The following TRPM3 variants were observed in gnomAD, a reference collection of about 807,000 sequenced individuals.
The protein encoded by TRPM3 is long transient receptor potential channel 3.
In TRPM3, 77 loss-of-function variants were observed where a neutral mutation model predicts 181.2. That is an observed-to-expected ratio of 0.42 (90% confidence interval 0.35 to 0.51). TRPM3 has a LOEUF of 0.51. TRPM3 is among the 20% of genes least tolerant of loss of function. TRPM3 has a pLI of 0.01. For missense variants in TRPM3, 1,759 were observed against 2,196.7 expected, an observed-to-expected ratio of 0.80 and a Z score of 3.98; for synonymous variants, 745 against 796.4, an observed-to-expected ratio of 0.94 and a Z score of 1.09.
At chr9:71,174,542 C>CA (rs200821091) in intron 1 of TRPM3, among the ~76,000 whole-genome samples, 4,907 of 142,132 alleles carry the variant, frequency 0.035, 165 homozygotes, top group African/African-American at 0.081. Context: ...ACTCCATCTC[C>CA]AAAAAAAAAA....
chr9:70,769,499 G>A (rs1449676809), intron 7 of TRPM3, among the ~76,000 whole-genome samples: 1 of 148,608 alleles, frequency 6.7e-6, no homozygotes, highest in Non-Finnish European at 1.5e-5. Flanking sequence ...GGATGATCAA[G>A]ATTCAGTTGT....
intron 9 of TRPM3, among the ~76,000 whole-genome samples, chr9:70,674,558 A>G (rs904902271): frequency 6.6e-6 from 1 of 151,822 alleles, no homozygotes; most frequent in Non-Finnish European, 1.5e-5. Context: ...AACATTATAT[A>G]TATAATTTTT....
intron 1 of TRPM3, among the ~76,000 whole-genome samples, chr9:71,222,239 C>T (rs2134858): frequency 0.5 from 75,648 of 151,968 alleles, 18,972 homozygotes; most frequent in Middle Eastern, 0.53. Context: ...TTCAATCTCC[C>T]CAGAATGCCT....
chr9:71,443,440 C>A (rs2094161113), intron 1 of TRPM3, among the ~76,000 whole-genome samples: 1 of 152,136 alleles, frequency 6.6e-6, no homozygotes, highest in South Asian at 2.1e-4. Context: ...ACTATTAGGA[C>A]ACAGAACAGC....
chr9:71,089,249 T>C (rs531608559), intron 1 of TRPM3, among the ~76,000 whole-genome samples: 38 of 149,984 alleles, frequency 2.5e-4, no homozygotes, highest in African/African-American at 9.2e-4. Flanking sequence ...TTATATAGTT[T>C]GCTATATAGT....
chr9:71,180,860 C>A (rs1356436623), intron 1 of TRPM3, among the ~76,000 whole-genome samples: 5 of 152,068 alleles, frequency 3.3e-5, no homozygotes, highest in African/African-American at 1.2e-4. Context: ...AGAGGCTCCT[C>A]ACCTCCCCTC....
rs2076662406 is a variant in TRPM3, at chr9:71,168,563, TA to T, written c.183+278089del. ...TTATTTATTTATTTATTTATTTATT[TA>T]TTTATTTATTTTTGTTTTTTATTTT... is the stretch of plus-strand genomic sequence containing the variant. On this transcript the variant is annotated intron_variant, in intron 1 of 24. Coordinates refer to the TRPM3 transcript ENST00000357533. 2.3e-4 allele frequency among the ~76,000 whole-genome samples: 25 copies of T among 106,448 alleles called. 1 individual carries two copies. In the South Asian group the frequency reaches 6.4e-3, roughly 27 times the overall value. 69.8% of individuals were successfully genotyped at this position (106,448 alleles called of 152,430 possible). A position where few individuals can be genotyped will look rare whatever the true frequency, so the allele number is the denominator to read the frequency against.
chr9:71,340,305 T>C (rs891530238), intron 1 of TRPM3, among the ~76,000 whole-genome samples: 4 of 152,096 alleles, frequency 2.6e-5, no homozygotes, highest in African/African-American at 9.7e-5. Flanking sequence ...TTGTTATATA[T>C]GCATATAGCT....
At chr9:70,587,348 C>T (rs2057316745) in intron 22 of TRPM3, among the ~76,000 whole-genome samples, 1 of 152,146 alleles carries the variant, frequency 6.6e-6, no homozygotes, top group Admixed American at 6.5e-5. Context: ...TCCTCCTGCC[C>T]TGGTACAGCC....
At chr9:70,957,631 C>A (rs2097092510) in intron 1 of TRPM3, among the ~76,000 whole-genome samples, 1 of 152,206 alleles carries the variant, frequency 6.6e-6, no homozygotes, top group Admixed American at 6.5e-5. Flanking sequence ...CATAAATACT[C>A]ATTCCTCTGT....
intron 1 of TRPM3, among the ~76,000 whole-genome samples, chr9:70,899,135 A>G (rs1286127567): frequency 6.6e-6 from 1 of 152,226 alleles, no homozygotes; most frequent in African/African-American, 2.4e-5. Context: ...CTTTGGAACC[A>G]AAATGGAAAA....
At chr9:70,694,274 G>T (rs2069503893) in intron 8 of TRPM3, among the ~76,000 whole-genome samples, 1 of 152,032 alleles carries the variant, frequency 6.6e-6, no homozygotes, top group African/African-American at 2.4e-5. Context: ...TCTAAACCTT[G>T]GTTTTACCAT....
At chr9:70,609,616 GC>G (rs961928239) in intron 19 of TRPM3, among the ~76,000 whole-genome samples, 5 of 152,176 alleles carry the variant, frequency 3.3e-5, no homozygotes, top group Admixed American at 1.3e-4. Flanking sequence ...GTTGGGGACA[GC>G]CCCCCACAAT....
chr9:71,000,767 A>G (rs1161781944), intron 1 of TRPM3, among the ~76,000 whole-genome samples: 1 of 152,200 alleles, frequency 6.6e-6, no homozygotes, highest in Non-Finnish European at 1.5e-5. Flanking sequence ...TATAGAGCTG[A>G]CACTGAAAAG....
intron 8 of TRPM3, among the ~76,000 whole-genome samples, chr9:70,752,058 GCGC>G (rs1564126057): frequency 1.3e-4 from 19 of 146,952 alleles, no homozygotes; most frequent in African/African-American, 4.0e-4. Flanking sequence ...GTGCGCGCGC[GCGC>G]GCATACACAT....
chr9:71,057,818 T>G (rs115660866), intron 1 of TRPM3, among the ~76,000 whole-genome samples: 182 of 152,206 alleles, frequency 1.2e-3, no homozygotes, highest in African/African-American at 4.1e-3. Context: ...CTGTTACTTT[T>G]TAACATTTGA....
chr9:71,288,364 CATT>C (rs1363843139), intron 1 of TRPM3, among the ~76,000 whole-genome samples: 1 of 151,926 alleles, frequency 6.6e-6, no homozygotes, highest in Admixed American at 6.6e-5. Flanking sequence ...TTACACATAG[CATT>C]ATTTTTCATA....
chr9:71,436,101 G>C (rs1247392940), intron 1 of TRPM3, among the ~76,000 whole-genome samples: 2 of 152,000 alleles, frequency 1.3e-5, no homozygotes, highest in Non-Finnish European at 2.9e-5. Context: ...TCTCGTGATA[G>C]TGAATAAGCC....
intron 1 of TRPM3, among the ~76,000 whole-genome samples, chr9:71,369,429 A>G (rs939375789): frequency 6.6e-6 from 1 of 152,224 alleles, no homozygotes; most frequent in Non-Finnish European, 1.5e-5. Context: ...CTGAACAAAA[A>G]TAGTGACTCT....
Sources: gnomAD v4.1 joint callset for allele counts (sites outside exome capture counted in the v4.1 genomes callset) on GRCh38, gnomAD v4.1.1 for gene constraint, MANE v1.5 for transcripts, NCBI Gene and HGNC (gene_info 2026-07-23, HGNC 2026-07-21) for gene names.